TANGO6: variants seen among roughly 807,000 people sequenced by gnomAD.
The protein encoded by TANGO6 is transport and Golgi organization protein 6 homolog.
TANGO6 carries 90 observed loss-of-function variants against 114.2 expected under a neutral mutation model. The observed-to-expected ratio is 0.79, with a 90% CI of 0.66 to 0.94. TANGO6 has a LOEUF of 0.94. Among genes scored for constraint, TANGO6 ranks in the 40% least tolerant of loss-of-function variants. TANGO6 has a pLI of 0.00. For synonymous variants in TANGO6, 477 were observed against 509.8 expected (o/e 0.94, Z 0.87); for missense variants, 1,274 against 1,315.3 (o/e 0.97, Z 0.49).
intron 16 of TANGO6, among the ~76,000 whole-genome samples, chr16:69,029,939 CT>C (rs1440281065): frequency 1.3e-4 from 20 of 151,134 alleles, no homozygotes; most frequent in Non-Finnish European, 5.9e-5. Flanking sequence ...TAAACCCCAT[CT>C]CTACTAAAAT....
At chr16:68,953,561 G>A (rs1055315188) in intron 14 of TANGO6, among the ~76,000 whole-genome samples, 2 of 152,146 alleles carry the variant, frequency 1.3e-5, no homozygotes, top group Non-Finnish European at 2.9e-5. Context: ...GGTACATGGT[G>A]TTCTCTCACT....
chr16:68,928,343 C>G (rs987579345), intron 13 of TANGO6, among the ~76,000 whole-genome samples: 2 of 122,310 alleles, frequency 1.6e-5, no homozygotes, highest in Non-Finnish European at 3.2e-5. Flanking sequence ...CTCGCTCTGT[C>G]CCCCAGGCTG....
chr16:68,884,893 A>G (rs1367067464), intron 7 of TANGO6, among the ~76,000 whole-genome samples: 1 of 152,212 alleles, frequency 6.6e-6, no homozygotes, highest in Non-Finnish European at 1.5e-5. Flanking sequence ...GAGGCAAGCA[A>G]ACCATTAGTT....
At chr16:69,058,909 CTTT>C (rs754689921) in intron 17 of TANGO6, among the ~76,000 whole-genome samples, 3 of 136,558 alleles carry the variant, frequency 2.2e-5, no homozygotes, top group Non-Finnish European at 1.6e-5. Context: ...CTTTTCTACT[CTTT>C]TTTTTTTTTT....
intron 17 of TANGO6, among the ~76,000 whole-genome samples, chr16:69,070,366 C>T (rs1960280375): frequency 6.6e-6 from 1 of 151,912 alleles, no homozygotes; most frequent in Non-Finnish European, 1.5e-5. Context: ...GGCGCAGTGG[C>T]TCACGCCTGT....
chr16:69,023,142 C>T (rs1309343660), intron 16 of TANGO6, among the ~76,000 whole-genome samples, 163 bp downstream of exon 16: 2 of 152,050 alleles, frequency 1.3e-5, no homozygotes, highest in African/African-American at 2.4e-5. Context: ...CTTCATCTGT[C>T]TCACATGTAT....
At chr16:68,857,789 C>A (rs1029207459) in intron 1 of TANGO6, among the ~76,000 whole-genome samples, 1 of 152,140 alleles carries the variant, frequency 6.6e-6, no homozygotes, top group African/African-American at 2.4e-5. Context: ...GGCATCTTTT[C>A]ATATGCTTGT....
At chr16:68,879,868 G>A (rs922164708) in intron 6 of TANGO6, among the ~76,000 whole-genome samples, 10 of 151,500 alleles carry the variant, frequency 6.6e-5, no homozygotes, top group Non-Finnish European at 1.3e-4. Flanking sequence ...CGCCTGCCTC[G>A]GCCTCCTAAA....
chr16:68,878,501 T>C (rs762475810), intron 6 of TANGO6, among the ~76,000 whole-genome samples: 26 of 152,190 alleles, frequency 1.7e-4, no homozygotes, highest in Non-Finnish European at 3.8e-4. Context: ...TTTGGCCACA[T>C]TTATTTTATC....
In TANGO6 at chr16:69,040,395, C is replaced by A; in HGVS notation, c.3082C>A (p.Arg1028=). Residue 1028 remains arginine, a synonymous_variant, in exon 17 of 18, where the codon CGG becomes AGG. Coordinates refer to ENST00000261778, the MANE Select transcript of TANGO6 (RefSeq NM_024562.2). ...AAIHVVVLLL[R]GLSQKATEVL... is the part of the protein sequence containing the mutation. ...CATACATGTGGTTGTGCTGCTGCTT[C>A]GGGGACTCAGCCAGAAAGCTACTGA... is the stretch of plus-strand genomic sequence containing the variant. The A allele has an allele frequency of 6.2e-7, 1 of 1,605,780 alleles. No homozygotes were observed. The highest frequency in any genetic ancestry group is 1.1e-5 in the South Asian group (1 of 89,006).
rs370036988 is a variant in TANGO6 at position 68,974,148 on chromosome 16, T to C, written c.2822T>C (p.Met941Thr). The C allele has an allele frequency of 1.5e-5, 24 of 1,613,864 alleles. No individual in the cohort carries two copies. The highest frequency in any genetic ancestry group is 8.0e-5 in the African/African-American group (6 of 74,916). Residue 941 changes from methionine (M) to threonine (T), a missense_variant, in exon 15 of 18, where the codon ATG becomes ACG. Coordinates refer to ENST00000261778, the MANE Select transcript of TANGO6 (RefSeq NM_024562.2). ...AGAATGAAAGTCGGGGAAGTCCTTA[T>C]GCGAATCGTCAGGGCATTAGGTGAG... ...ETRMKVGEVL[M>T]RIVRALGDMV...
At chr16:69,004,476 C>T (rs976781294) in intron 15 of TANGO6, among the ~76,000 whole-genome samples, 1 of 152,110 alleles carries the variant, frequency 6.6e-6, no homozygotes, top group Non-Finnish European at 1.5e-5. Flanking sequence ...CTGCCTCAGC[C>T]TCCTGATTAG....
intron 4 of TANGO6, among the ~76,000 whole-genome samples, chr16:68,868,783 C>T (rs1272437814): frequency 6.6e-6 from 1 of 152,078 alleles, no homozygotes; most frequent in South Asian, 2.1e-4. Context: ...AGGCATGATC[C>T]TGGCCATTTA....
intron 15 of TANGO6, among the ~76,000 whole-genome samples, chr16:69,013,831 TA>T (rs1160514395): frequency 6.6e-6 from 1 of 151,976 alleles, no homozygotes; most frequent in African/African-American, 2.4e-5. Flanking sequence ...TAATTTTTTA[TA>T]TTTTTAGTAA....
chr16:68,919,979 G>A (rs1963067933), intron 12 of TANGO6, among the ~76,000 whole-genome samples: 1 of 152,124 alleles, frequency 6.6e-6, no homozygotes, highest in South Asian at 2.1e-4. Flanking sequence ...CCCAGGAGCC[G>A]GAGGTTGCAG....
chr16:68,946,335 G>C (rs909578799), intron 14 of TANGO6, among the ~76,000 whole-genome samples: 1 of 151,912 alleles, frequency 6.6e-6, no homozygotes, highest in African/African-American at 2.4e-5. Flanking sequence ...GGGACTACAG[G>C]CTCCCACCAC....
chr16:69,075,014 A>G (rs1960353540), intron 17 of TANGO6, among the ~76,000 whole-genome samples: 1 of 151,720 alleles, frequency 6.6e-6, no homozygotes, highest in African/African-American at 2.4e-5. Flanking sequence ...ACGCCTGGCT[A>G]ATTTTTTAGT....
At chr16:69,011,954 A>T (rs1326628940) in intron 15 of TANGO6, among the ~76,000 whole-genome samples, 1 of 152,150 alleles carries the variant, frequency 6.6e-6, no homozygotes, top group Admixed American at 6.6e-5. Flanking sequence ...GCAGGTTAAA[A>T]TTTTTTCAGC....
chr16:69,077,462 T>G (rs1960398234), intron 17 of TANGO6, among the ~76,000 whole-genome samples: 1 of 152,120 alleles, frequency 6.6e-6, no homozygotes, highest in Non-Finnish European at 1.5e-5. Flanking sequence ...CTTTATTCAC[T>G]CATACTTTTT....
Sources: gnomAD v4.1 joint callset for allele counts (sites outside exome capture counted in the v4.1 genomes callset) on GRCh38, gnomAD v4.1.1 for gene constraint, MANE v1.5 for transcripts, NCBI Gene and HGNC (gene_info 2026-07-23, HGNC 2026-07-21) for gene names.